The following PDE10A variants were observed in gnomAD, a reference collection of about 807,000 sequenced individuals.
PDE10A encodes the protein cAMP and cAMP-inhibited cGMP 3',5'-cyclic phosphodiesterase 10A.
PDE10A carries 39 observed loss-of-function variants against 97.7 expected under a neutral mutation model. The ratio of observed to expected loss-of-function variants is 0.40; its 90% confidence interval spans 0.31 to 0.52. The LOEUF is 0.52. Among genes scored for constraint, PDE10A ranks in the 20% least tolerant of loss-of-function variants. The probability of loss-of-function intolerance (pLI) is 0.56; values close to 1 mark genes in which losing one functional copy is unlikely to be tolerated. For missense variants in PDE10A, 731 were observed against 1,047.8 expected, an observed-to-expected ratio of 0.70 and a Z score of 4.17; for synonymous variants, 371 against 376.8, an observed-to-expected ratio of 0.98 and a Z score of 0.18.
At chr6:165,663,261 ACGCCGC>A (rs376739819), upstream of PDE10A, among the ~76,000 whole-genome samples, 15 of 150,168 alleles carry the variant, frequency 1.0e-4, no homozygotes, top group African/African-American at 1.5e-4. Context: ...GGCGCTCCCC[ACGCCGC>A]CGCCGCCGCC....
chr6:165,512,217 T>C (rs917346392), intron 2 of PDE10A, among the ~76,000 whole-genome samples: 5 of 151,962 alleles, frequency 3.3e-5, no homozygotes, highest in African/African-American at 1.2e-4. Flanking sequence ...CTTTTATATG[T>C]TTTTACGATA....
At chr6:165,714,328 C>G (rs933662428) in intron 1 of PDE10A, among the ~76,000 whole-genome samples, 1 of 152,198 alleles carries the variant, frequency 6.6e-6, no homozygotes, top group Non-Finnish European at 1.5e-5. Context: ...AAGCGGGGAA[C>G]AGGAGTCACA....
At chr6:165,617,767 C>T (rs116282322) in intron 1 of PDE10A, among the ~76,000 whole-genome samples, 158 of 152,254 alleles carry the variant, frequency 1.0e-3, no homozygotes, top group African/African-American at 3.7e-3. Flanking sequence ...AAGGTTATCA[C>T]ACACAACATC....
chr6:165,766,544 T>C (rs1777854917), intron 1 of PDE10A, among the ~76,000 whole-genome samples: 1 of 152,256 alleles, frequency 6.6e-6, no homozygotes, highest in African/African-American at 2.4e-5. Context: ...AAGGTCAATC[T>C]TCCGTGGGAT....
chr6:165,517,640 G>T (rs140968761), intron 2 of PDE10A, among the ~76,000 whole-genome samples: 7 of 152,122 alleles, frequency 4.6e-5, no homozygotes, highest in Non-Finnish European at 8.8e-5. Context: ...GCTCGACACT[G>T]CATGATGTCA....
chr6:165,747,980 G>T (rs1412975632), intron 1 of PDE10A, among the ~76,000 whole-genome samples: 2 of 152,204 alleles, frequency 1.3e-5, no homozygotes, highest in African/African-American at 4.8e-5. Context: ...GGACCTTCCA[G>T]ACTATTGTTG....
chr6:165,338,202 C>T (rs1781761629), intron 20 of PDE10A, among the ~76,000 whole-genome samples: 1 of 152,228 alleles, frequency 6.6e-6, no homozygotes, highest in South Asian at 2.1e-4. Context: ...GCCATTCATT[C>T]AGCCTCTTTG....
intron 1 of PDE10A, among the ~76,000 whole-genome samples, chr6:165,916,738 G>A (rs937398754): frequency 2.6e-5 from 4 of 152,164 alleles, no homozygotes; most frequent in African/African-American, 4.8e-5. Context: ...AGCAAAAAAC[G>A]GATTCCTTTT....
At chr6:165,444,674 ATTTAG>A (rs899931270) in intron 5 of PDE10A, among the ~76,000 whole-genome samples, 1 of 151,716 alleles carries the variant, frequency 6.6e-6, no homozygotes, top group African/African-American at 2.4e-5. Flanking sequence ...GCTTTTTAGT[ATTTAG>A]TTTTGTTTTT....
At chr6:165,980,637 T>A (rs1350494375) in intron 1 of PDE10A, among the ~76,000 whole-genome samples, 1 of 152,234 alleles carries the variant, frequency 6.6e-6, no homozygotes, top group Non-Finnish European at 1.5e-5. Context: ...CTGCATGTGC[T>A]CAGGAAATTT....
intron 2 of PDE10A, among the ~76,000 whole-genome samples, chr6:165,536,318 A>T (rs956435222): frequency 1.3e-5 from 2 of 151,984 alleles, no homozygotes; most frequent in African/African-American, 4.8e-5. Context: ...ATCAAAATGG[A>T]TTAAATACTT....
At chr6:165,417,262 A>T (rs1346698489) in intron 11 of PDE10A, among the ~76,000 whole-genome samples, 1 of 152,186 alleles carries the variant, frequency 6.6e-6, no homozygotes, top group Non-Finnish European at 1.5e-5. Flanking sequence ...GAACAACATA[A>T]ACACAATGAA....
intron 1 of PDE10A, among the ~76,000 whole-genome samples, chr6:165,785,564 A>C (rs1778469840): frequency 6.6e-6 from 1 of 152,244 alleles, no homozygotes; most frequent in African/African-American, 2.4e-5. Flanking sequence ...ATTCGTATCC[A>C]CTTGTCATTA....
chr6:165,878,511 C>T (rs967837686), intron 1 of PDE10A, among the ~76,000 whole-genome samples: 26 of 152,248 alleles, frequency 1.7e-4, no homozygotes, highest in African/African-American at 6.0e-4. Context: ...GTAGAAGCCT[C>T]GATGATAAGG....
chr6:165,779,336 G>A (rs1778284245), intron 1 of PDE10A, among the ~76,000 whole-genome samples: 1 of 152,220 alleles, frequency 6.6e-6, no homozygotes, highest in Non-Finnish European at 1.5e-5. Flanking sequence ...AAATCATTGT[G>A]TAGTGAATGA....
In PDE10A at chr6:165,965,025, G is replaced by A. The variant is rs1449340558; in HGVS notation, c.-615+22504C>T. ...GTGATGGGGTAGGGGCAAATAAAGG[G>A]GCCTTTGGCCAAACTTGACCCTGAC... is the stretch of plus-strand genomic sequence containing the variant. On this transcript the variant is annotated intron_variant, in intron 1 of 19. Coordinates refer to the PDE10A transcript ENST00000366882. Among the ~76,000 whole-genome samples, 2 of 152,216 alleles carry A rather than the reference G, an allele frequency of 1.3e-5. 1 individual carries two copies. The highest frequency in any genetic ancestry group is 4.8e-5 in the African/African-American group (2 of 41,458).
chr6:165,916,737 C>T (rs904369561), intron 1 of PDE10A, among the ~76,000 whole-genome samples: 5 of 152,166 alleles, frequency 3.3e-5, no homozygotes, highest in East Asian at 3.8e-4. Flanking sequence ...AAGCAAAAAA[C>T]GGATTCCTTT....
At chr6:165,599,599 TAGAC>T (rs766240122) in intron 1 of PDE10A, among the ~76,000 whole-genome samples, 20 of 152,236 alleles carry the variant, frequency 1.3e-4, no homozygotes, top group East Asian at 3.8e-4. Context: ...TAAAACTTCT[TAGAC>T]AGCCTCAGGG....
chr6:165,382,514 T>G (rs970045251), intron 17 of PDE10A, among the ~76,000 whole-genome samples: 4 of 152,188 alleles, frequency 2.6e-5, no homozygotes, highest in African/African-American at 9.7e-5. Context: ...AATAATTCTA[T>G]CTTTTAATGT....
Sources: gnomAD v4.1 joint callset for allele counts (sites outside exome capture counted in the v4.1 genomes callset) on GRCh38, gnomAD v4.1.1 for gene constraint, MANE v1.5 for transcripts, NCBI Gene and HGNC (gene_info 2026-07-23, HGNC 2026-07-21) for gene names.